Variants in SGCZ observed in about 807,000 individuals in gnomAD.
SGCZ encodes the protein zeta-sarcoglycan.
Under a neutral mutation model 41.3 loss-of-function variants are expected in SGCZ, and 40 were observed. The observed-to-expected ratio is 0.97, with a 90% CI of 0.75 to 1.26. The LOEUF is 1.26. Ranked by LOEUF, SGCZ falls within the 50% of genes most tolerant of loss-of-function variation. The pLI, the probability that SGCZ is intolerant of heterozygous loss-of-function variation, is 0.00. For synonymous variants in SGCZ, 206 were observed against 137.5 expected (o/e 1.50, Z -3.49); for missense variants, 552 against 369.8 (o/e 1.49, Z -4.04).
intron 2 of SGCZ, among the ~76,000 whole-genome samples, chr8:14,468,086 C>A (rs750690268): frequency 6.6e-6 from 1 of 151,970 alleles, no homozygotes. Flanking sequence ...TTTTCACTTA[C>A]ATTTTTTCAA....
chr8:14,670,246 G>A (rs904209618), intron 1 of SGCZ, among the ~76,000 whole-genome samples: 4 of 151,996 alleles, frequency 2.6e-5, no homozygotes, highest in African/African-American at 9.7e-5. Context: ...ATATTGTAGC[G>A]ATAGTGGATC....
chr8:14,120,353 A>C (rs1305265456), intron 5 of SGCZ, among the ~76,000 whole-genome samples: 1 of 152,196 alleles, frequency 6.6e-6, no homozygotes, highest in Middle Eastern at 3.2e-3. Context: ...AAATGAGAAC[A>C]GAAGTAAATT....
chr8:14,634,198 G>C (rs1806752308), intron 1 of SGCZ, among the ~76,000 whole-genome samples: 1 of 151,684 alleles, frequency 6.6e-6, no homozygotes, highest in Non-Finnish European at 1.5e-5. Context: ...TTATCAATTT[G>C]ACACAGTCAG....
intron 1 of SGCZ, among the ~76,000 whole-genome samples, chr8:15,110,819 T>C (rs1282439332): frequency 6.6e-6 from 1 of 151,968 alleles, no homozygotes; most frequent in African/African-American, 2.4e-5. Flanking sequence ...AAATACAAAA[T>C]TAGCTGGGCA....
chr8:14,491,281 CCACA>C (rs143056495), intron 2 of SGCZ, among the ~76,000 whole-genome samples: 3 of 149,096 alleles, frequency 2.0e-5, no homozygotes, highest in East Asian at 2.0e-4. Flanking sequence ...ACCCACCCAC[CCACA>C]CACACACACA....
chr8:14,578,692 T>A (rs538783451), intron 1 of SGCZ, among the ~76,000 whole-genome samples: 1 of 152,334 alleles, frequency 6.6e-6, no homozygotes, highest in East Asian at 1.9e-4. Context: ...GGATATTACT[T>A]GTAATTTCAA....
intron 1 of SGCZ, among the ~76,000 whole-genome samples, chr8:15,093,604 T>A (rs962688312): frequency 3.3e-5 from 5 of 152,206 alleles, no homozygotes; most frequent in African/African-American, 1.2e-4. Context: ...TTTCCTATTT[T>A]GTATTTGGCT....
chr8:14,769,942 G>T (rs6651383), intron 1 of SGCZ, among the ~76,000 whole-genome samples: 18,560 of 151,424 alleles, frequency 0.12, 1,721 homozygotes, highest in African/African-American at 0.25. Flanking sequence ...ATGCAACTCA[G>T]TTGGCCTCTA....
At chr8:14,636,589 G>A (rs185876286) in intron 1 of SGCZ, among the ~76,000 whole-genome samples, 1 of 151,994 alleles carries the variant, frequency 6.6e-6, no homozygotes, top group Admixed American at 6.6e-5. Context: ...GTGGATAAAA[G>A]CTCAATTTAG....
At chr8:14,318,558 G>C (rs77220419) in intron 3 of SGCZ, among the ~76,000 whole-genome samples, 4 of 151,920 alleles carry the variant, frequency 2.6e-5, no homozygotes, top group Admixed American at 6.6e-5. Flanking sequence ...ACAGTACATA[G>C]AGAGTGCTAG....
At chr8:14,490,252 A>G (rs1801804687) in intron 2 of SGCZ, among the ~76,000 whole-genome samples, 1 of 152,132 alleles carries the variant, frequency 6.6e-6, no homozygotes, top group Non-Finnish European at 1.5e-5. Flanking sequence ...GAATCTCACA[A>G]TCACACTCAG....
At chr8:15,104,293 T>G (rs1486534741) in intron 1 of SGCZ, among the ~76,000 whole-genome samples, 1 of 152,126 alleles carries the variant, frequency 6.6e-6, no homozygotes, top group Non-Finnish European at 1.5e-5. Flanking sequence ...CAGGAGACAA[T>G]TGAGGGTGGA....
At chr8:14,923,013 T>A (rs1376219141) in intron 1 of SGCZ, among the ~76,000 whole-genome samples, 1 of 152,252 alleles carries the variant, frequency 6.6e-6, no homozygotes, top group African/African-American at 2.4e-5. Context: ...CACATTAGGT[T>A]TTGCCTTTGT....
chr8:14,791,802 A>C (rs1800964489), intron 1 of SGCZ, among the ~76,000 whole-genome samples: 1 of 152,204 alleles, frequency 6.6e-6, no homozygotes, highest in South Asian at 2.1e-4. Context: ...AATCATCAGT[A>C]AATTAAACCT....
At chr8:14,600,501 C>G (rs190855929) in intron 1 of SGCZ, among the ~76,000 whole-genome samples, 2 of 152,244 alleles carry the variant, frequency 1.3e-5, no homozygotes, top group East Asian at 1.9e-4. Context: ...TAGTTAAGGG[C>G]TCTCTCAGTG....
chr8:14,387,977 G>A (rs1804634806), intron 2 of SGCZ, among the ~76,000 whole-genome samples: 1 of 152,086 alleles, frequency 6.6e-6, no homozygotes. Context: ...AGAATCTGTA[G>A]AACCTTGTGA....
intron 1 of SGCZ, among the ~76,000 whole-genome samples, chr8:14,995,119 G>T (rs1802169309): frequency 6.6e-6 from 1 of 152,256 alleles, no homozygotes; most frequent in Non-Finnish European, 1.5e-5. Flanking sequence ...TCAATAAAGG[G>T]AGTGCCATCA....
Position 14,810,922 on chromosome 8 carries a change from A to T in SGCZ, c.40-255996T>A, listed in dbSNP as rs536603305. Among the ~76,000 whole-genome samples the T allele has an allele frequency of 1.7e-4, 26 of 152,142 alleles. 1 individual carries two copies. In the South Asian group the frequency reaches 4.8e-3, roughly 28 times the overall value. ...AATCCTCCTTTAAAATGCTATCATC[A>T]ATCCCCTTCACTTGGAAAACAATTT... On this transcript the variant is annotated intron_variant, in intron 1 of 7. Transcript: ENST00000382080.
intron 1 of SGCZ, among the ~76,000 whole-genome samples, chr8:14,597,377 A>G (rs1805447539): frequency 6.6e-6 from 1 of 152,246 alleles, no homozygotes; most frequent in South Asian, 2.1e-4. Flanking sequence ...TTTCAATAGT[A>G]ATAAAACATA....
Sources: allele counts gnomAD v4.1 joint callset (sites outside exome capture counted in the v4.1 genomes callset), GRCh38; gene constraint gnomAD v4.1.1; transcripts MANE v1.5; gene names NCBI Gene and HGNC (gene_info 2026-07-23, HGNC 2026-07-21).